Variants in SPATA13 observed in about 807,000 individuals in gnomAD.
The protein encoded by SPATA13 is spermatogenesis associated 13.
In SPATA13, 50 loss-of-function variants were observed where a neutral mutation model predicts 104.0. The observed-to-expected ratio is 0.48, with a 90% CI of 0.38 to 0.61. The LOEUF is 0.61. Ranked by LOEUF, SPATA13 falls within the 20% of genes least tolerant of loss-of-function variation. SPATA13 has a pLI of 0.00. For synonymous variants in SPATA13, 606 were observed against 667.5 expected (o/e 0.91, Z 1.42); for missense variants, 1,524 against 1,690.6 (o/e 0.90, Z 1.73).
chr13:24,210,115 T>G (rs1283164189), intron 1 of SPATA13, among the ~76,000 whole-genome samples: 3 of 152,192 alleles, frequency 2.0e-5, no homozygotes, highest in African/African-American at 7.2e-5. Context: ...GAGTTATTTG[T>G]TTATTGAGGG....
upstream of SPATA13, among the ~76,000 whole-genome samples, chr13:24,160,204 C>T (rs1430677636): frequency 6.6e-6 from 1 of 152,232 alleles, no homozygotes; most frequent in Non-Finnish European, 1.5e-5. Context: ...TCTTCCCGCC[C>T]TGGGGGGTGG....
chr13:24,003,379 A>G (rs1205538034), intron 2 of SPATA13, among the ~76,000 whole-genome samples: 6 of 152,212 alleles, frequency 3.9e-5, no homozygotes, highest in African/African-American at 1.4e-4. Flanking sequence ...GAAGGTGGTA[A>G]AAAGATTGAG....
At chr13:24,101,287 A>T (rs1265138647) in intron 3 of SPATA13, among the ~76,000 whole-genome samples, 1 of 152,174 alleles carries the variant, frequency 6.6e-6, no homozygotes. Flanking sequence ...CATCATACAG[A>T]TGCACCATGA....
chr13:24,031,186 T>G (rs1170963654), intron 3 of SPATA13, among the ~76,000 whole-genome samples: 1 of 152,230 alleles, frequency 6.6e-6, no homozygotes, highest in Admixed American at 6.5e-5. Context: ...GGCCCTTTCA[T>G]GGATGGCATG....
intron 1 of SPATA13, among the ~76,000 whole-genome samples, chr13:24,183,757 C>T (rs1001678192): frequency 1.3e-4 from 19 of 151,990 alleles, no homozygotes; most frequent in African/African-American, 3.6e-4. Flanking sequence ...TAATGGTGGC[C>T]GTACCTGTCA....
At chr13:24,036,087 G>A (rs1407866078) in intron 3 of SPATA13, among the ~76,000 whole-genome samples, 1 of 151,448 alleles carries the variant, frequency 6.6e-6, no homozygotes, top group African/African-American at 2.4e-5. Flanking sequence ...TGATGGACTA[G>A]TTCTACTAAT....
At chr13:24,110,679 C>T (rs981537322) in intron 3 of SPATA13, among the ~76,000 whole-genome samples, 3 of 152,214 alleles carry the variant, frequency 2.0e-5, no homozygotes, top group East Asian at 1.9e-4. Context: ...AGGAAACAAA[C>T]ATGCCCCCGC....
At chr13:24,233,691 C>T (rs141038148) in intron 2 of SPATA13, among the ~76,000 whole-genome samples, 347 of 152,150 alleles carry the variant, frequency 2.3e-3, no homozygotes, top group South Asian at 7.5e-3. Flanking sequence ...TCTTTTTCAA[C>T]GGAAAGTTTC....
chr13:24,162,112 A>G (rs1469876052), intron 1 of SPATA13, among the ~76,000 whole-genome samples: 1 of 151,620 alleles, frequency 6.6e-6, no homozygotes, highest in African/African-American at 2.4e-5. Flanking sequence ...CCCGCACTTT[A>G]GAGTTTCATG....
intron 4 of SPATA13, among the ~76,000 whole-genome samples, chr13:24,275,567 A>G (rs1285552638): frequency 1.3e-5 from 2 of 152,202 alleles, no homozygotes; most frequent in Non-Finnish European, 2.9e-5. Context: ...GATTGTATGT[A>G]GGCATTTGGG....
upstream of SPATA13, among the ~76,000 whole-genome samples, chr13:24,159,265 CA>C (rs1882366566): frequency 6.6e-6 from 1 of 151,854 alleles, no homozygotes; most frequent in South Asian, 2.1e-4. Context: ...TAAAATTTTC[CA>C]AGGTTTGGTT....
Position 24,226,427 on chromosome 13 carries a change from A to G in SPATA13, c.1653+1845A>G, listed in dbSNP as rs113440923. Among the ~76,000 whole-genome samples the G allele has an allele frequency of 4.0e-3, 608 of 152,356 alleles. 3 individuals are homozygous for G. Among genetic ancestry groups the G allele is most frequent in the African/African-American group, 0.014 (581 of 41,582 alleles). On this transcript the variant is annotated intron_variant, in intron 2 of 12. Coordinates refer to ENST00000382108, the MANE Select transcript of SPATA13 (RefSeq NM_001166271.3). ...GGTTATTGTACTTATTTTAGAGTAG[A>G]TCATAAGCACCTCATTAATTGACTA...
chr13:24,176,413 A>G (rs757603382), intron 1 of SPATA13, among the ~76,000 whole-genome samples: 63 of 152,206 alleles, frequency 4.1e-4, no homozygotes, highest in Middle Eastern at 3.2e-3. Flanking sequence ...TGTAATCTTT[A>G]CAGAAAAGTT....
At position 24,271,005 on chromosome 13, in the gene SPATA13, C is replaced by T. The variant is rs1874559030; in HGVS notation, c.2165-13130C>T. 6.0e-6 allele frequency: 5 copies of T among 832,476 alleles called. 1 individual carries two copies. The highest frequency in any genetic ancestry group is 3.4e-5 in the African/African-American group (2 of 59,032). The allele number at this position is 832,476 out of a possible 1,614,324, so 51.6% of individuals were successfully genotyped here. On this transcript the variant is annotated intron_variant, in intron 4 of 12. Transcript: ENST00000382108. ...TGCAGTTCTTCCCCTCTCTCTCTCT[C>T]TCTCCACTCTCTCTCACTCTCTCTC...
chr13:24,082,364 A>G (rs1879549509), intron 3 of SPATA13, among the ~76,000 whole-genome samples: 1 of 152,222 alleles, frequency 6.6e-6, no homozygotes, highest in Non-Finnish European at 1.5e-5. Flanking sequence ...GGTTAGCTTT[A>G]TTAAAACAGC....
At chr13:24,128,289 C>T (rs530667247) in intron 3 of SPATA13, among the ~76,000 whole-genome samples, 1 of 152,300 alleles carries the variant, frequency 6.6e-6, no homozygotes, top group South Asian at 2.1e-4. Context: ...CAGGAAAGGA[C>T]ATTGTGGCTT....
intron 1 of SPATA13, among the ~76,000 whole-genome samples, chr13:24,217,109 G>T (rs1254454347): frequency 6.6e-6 from 1 of 152,054 alleles, no homozygotes; most frequent in African/African-American, 2.4e-5. Flanking sequence ...AAATTTCAGT[G>T]GTTTTAACTG....
intron 2 of SPATA13, among the ~76,000 whole-genome samples, chr13:24,227,172 G>T (rs905627887): frequency 6.6e-6 from 1 of 152,100 alleles, no homozygotes; most frequent in Admixed American, 6.6e-5. Context: ...CCCTACCTGC[G>T]CCACTCGTAG....
chr13:24,041,631 T>A lies in SPATA13; in HGVS notation c.-112+23930T>A, dbSNP rs7331859. On this transcript the variant is annotated intron_variant, in intron 3 of 14. Coordinates refer to the SPATA13 transcript ENST00000424834. ...AAGGAAATGTTTTCTTTTCATTCTTTTTCTTCTTAGTGGGAAAATATCTAT... is the reference window on the plus strand; with the variant it reads ...AAGGAAATGTTTTCTTTTCATTCTTATTCTTCTTAGTGGGAAAATATCTAT... 3.1e-3 allele frequency among the ~76,000 whole-genome samples: 472 copies of A among 152,200 alleles called. 2 individuals carry two copies. Among genetic ancestry groups the A allele is most frequent in the African/African-American group, 8.5e-3 (353 of 41,492 alleles).
Sources: gnomAD v4.1 joint callset for allele counts (sites outside exome capture counted in the v4.1 genomes callset) on GRCh38, gnomAD v4.1.1 for gene constraint, MANE v1.5 for transcripts, NCBI Gene and HGNC (gene_info 2026-07-23, HGNC 2026-07-21) for gene names.